Variants in FCRL4 observed in about 807,000 individuals in gnomAD.
FCRL4 encodes the protein Fc receptor-like protein 4.
A neutral mutation model predicts 64.1 loss-of-function variants in FCRL4; 43 were observed. The observed-to-expected ratio is 0.67, with a 90% CI of 0.53 to 0.87. FCRL4 has a LOEUF of 0.87. Among genes scored for constraint, FCRL4 ranks in the 40% least tolerant of loss-of-function variants. The pLI is 0.00. For missense variants in FCRL4, 656 were observed against 613.5 expected, an observed-to-expected ratio of 1.07 and a Z score of -0.73; for synonymous variants, 253 against 239.8, an observed-to-expected ratio of 1.05 and a Z score of -0.51.
Position 157,587,924 on chromosome 1 carries a change from A to G in FCRL4, c.503T>C (p.Ile168Thr). 6.2e-7 allele frequency: 1 copy of G among 1,611,394 alleles called. No homozygotes were observed. The highest frequency in any genetic ancestry group is 8.5e-7 in the Non-Finnish European group (1 of 1,177,988). Reference protein sequence around the residue: ...SSNNNGNYRCIGYGDENDVFR... With the variant: ...SSNNNGNYRCTGYGDENDVFR... ...TACATCATTCTCGTCTCCATATCCA[A>G]TGCATCGATAATTGCCATTGTTATT... The change falls in exon 4 of 12, where the codon ATT becomes ACT. Residue 168 changes from isoleucine (I) to threonine (T), a missense_variant. Transcript: ENST00000271532.
rs536127914 is a variant in FCRL4 at position 157,574,898 on chromosome 1, G to A, written c.*626C>T. The stretch of plus-strand genomic sequence containing the variant: ...ATAATTATCATTTGCTTTTGGAAGC[G>A]CAGCCTAGAGCTTGCATCTCCAGCT... On this transcript the variant is annotated 3_prime_UTR_variant, in exon 12 of 12. Coordinates refer to ENST00000271532, the MANE Select transcript of FCRL4 (RefSeq NM_031282.3). The A allele has an allele frequency of 4.3e-5, 9 of 211,394 alleles. No individual in the cohort carries two copies. Among genetic ancestry groups the A allele is most frequent in the South Asian group, 3.7e-4 (2 of 5,350 alleles). 13.1% of individuals were successfully genotyped at this position (211,394 alleles called of 1,614,324 possible).
chr1:157,598,011 A>G lies in FCRL4; in HGVS notation c.-67T>C. ...AAGCCAGGTCAGCCCAGATTGCCAA[A>G]GCAGCACTTGCCTACACCAGCACCA... On this transcript the variant is annotated 5_prime_UTR_variant, in exon 1 of 12. Transcript: ENST00000271532. The G allele has an allele frequency of 8.0e-7, 1 of 1,249,138 alleles. No homozygotes were observed. The highest frequency in any genetic ancestry group is 2.3e-5 in the East Asian group (1 of 42,816). 77.4% of individuals were successfully genotyped at this position (1,249,138 alleles called of 1,614,324 possible).
At chr1:157,593,154 G>A (rs535424281) in intron 2 of FCRL4, among the ~76,000 whole-genome samples, 1 of 152,260 alleles carries the variant, frequency 6.6e-6, no homozygotes, top group South Asian at 2.1e-4. Flanking sequence ...GTTGATGGGT[G>A]CAGCAAACCA....
intron 8 of FCRL4, 82 bp from the exon 9 acceptor site, chr1:157,578,934 G>A: frequency 8.7e-7 from 1 of 1,149,338 alleles, no homozygotes; most frequent in Non-Finnish European, 1.2e-6. Context: ...AGCGGCAGAG[G>A]AGAAAGAGGA....
chr1:157,579,448 GGCTCACAC>G (rs1652498450), intron 8 of FCRL4, among the ~76,000 whole-genome samples: 1 of 152,118 alleles, frequency 6.6e-6, no homozygotes, highest in African/African-American at 2.4e-5. Context: ...CTGGTGCAGT[GGCTCACAC>G]CTGTAATCCC....
intron 1 of FCRL4, 48 bp downstream of exon 1, chr1:157,597,866 G>C: frequency 6.4e-7 from 1 of 1,563,920 alleles, no homozygotes; most frequent in Non-Finnish European, 8.8e-7. Flanking sequence ...TTTGCTCATG[G>C]TGAGGCTCAG....
intron 2 of FCRL4, among the ~76,000 whole-genome samples, chr1:157,596,035 G>A (rs1280827339): frequency 6.6e-6 from 1 of 152,120 alleles, no homozygotes; most frequent in Non-Finnish European, 1.5e-5. Context: ...ATCAGGCTTG[G>A]CTAGAATCCC....
chr1:157,578,571 T>C (rs776996053), intron 9 of FCRL4, 29 bp from the exon 10 acceptor site: 3 of 1,590,136 alleles, frequency 1.9e-6, no homozygotes, highest in Non-Finnish European at 2.6e-6. Flanking sequence ...TTCAAGGCTG[T>C]TCCTGTTAGT....
At chr1:157,575,662 A>G (rs1157326169) in intron 11 of FCRL4, 37 bp downstream of exon 11, 3 of 1,612,252 alleles carry the variant, frequency 1.9e-6, no homozygotes, top group African/African-American at 2.7e-5. Context: ...GGCTGCAGGT[A>G]ATGGTGGAGA....
chr1:157,593,314 T>TAG (rs1406430512), intron 2 of FCRL4, among the ~76,000 whole-genome samples: 1 of 152,130 alleles, frequency 6.6e-6, no homozygotes, highest in African/African-American at 2.4e-5. Context: ...TACAAACATC[T>TAG]AGAGAGATAG....
chr1:157,580,423 A>G, intron 7 of FCRL4, 75 bp from the exon 8 acceptor site: 1 of 1,484,416 alleles, frequency 6.7e-7, no homozygotes, highest in Non-Finnish European at 9.4e-7. Context: ...AACAGGAGCT[A>G]TCTAAGAGAG....
chr1:157,594,754 T>C (rs1307063531), intron 2 of FCRL4, among the ~76,000 whole-genome samples: 2 of 152,220 alleles, frequency 1.3e-5, no homozygotes, highest in East Asian at 3.8e-4. Context: ...CAAATAGATC[T>C]TTTAGTTACA....
At chr1:157,590,797 G>A (rs768258914) in intron 2 of FCRL4, among the ~76,000 whole-genome samples, 1 of 152,128 alleles carries the variant, frequency 6.6e-6, no homozygotes, top group African/African-American at 2.4e-5. Flanking sequence ...AATTGCAGGC[G>A]TGAGCCACCA....
rs930653392 is a variant in FCRL4 at position 157,597,779 on chromosome 1, T to G, written c.31+135A>C. 4.9e-6 allele frequency: 3 copies of G among 615,864 alleles called. No homozygotes were observed. In the African/African-American group the frequency reaches 5.6e-5, roughly 11 times the overall value. The allele number at this position is 615,864 out of a possible 1,614,324, so 38.1% of individuals were successfully genotyped here. ...TTCCCCTTCTACCAGTAAATCATTA[T>G]CTTTCCTTTTTGTTCATTTTCTGCT... On this transcript the variant is annotated intron_variant, in intron 1 of 11. Transcript: ENST00000271532.
intron 4 of FCRL4, 88 bp from the exon 5 acceptor site, chr1:157,587,648 T>C: frequency 1.4e-6 from 2 of 1,413,556 alleles, no homozygotes; most frequent in Non-Finnish European, 1.9e-6. Context: ...CCCAGGAAAC[T>C]TCAGACACAC....
In FCRL4 at chr1:157,586,479, TG is replaced by T. The variant is rs1205999148; in HGVS notation, c.848-25del. On this transcript the variant is annotated intron_variant, in intron 5 of 11. Transcript: ENST00000271532. ...CCCTATGTGAAAATGAGACCACAGG[TG>T]GGGGTCGGGTGTGAAGGAGGGCAGG... is the stretch of plus-strand genomic sequence containing the variant. The T allele has an allele frequency of 3.8e-6, 6 of 1,584,948 alleles. No individual in the cohort carries two copies. The Admixed American group carries it at 1.0e-4, about 27-fold the overall frequency.
rs562374887 is a variant in FCRL4 at position 157,587,398 on chromosome 1, G to A, written c.725C>T (p.Thr242Met). 1.5e-5 allele frequency: 24 copies of A among 1,614,104 alleles called. No individual in the cohort carries two copies. Among genetic ancestry groups the A allele is most frequent in the Non-Finnish European group, 1.9e-5 (23 of 1,180,050 alleles). ...GGTTGGGAGCTGGAGTTCCGGGTACGTGCTCCAGTCTGACAGGATGACCTC... is the reference window on the plus strand; with the variant it reads ...GGTTGGGAGCTGGAGTTCCGGGTACATGCTCCAGTCTGACAGGATGACCTC... ...DGEVILSDWS[T>M]YPELQLPTVW... The change falls in exon 5 of 12, where the codon ACG becomes ATG. Residue 242 changes from threonine (T) to methionine (M), a missense_variant. By Grantham distance (81) the Thr-to-Met change is moderately conservative. Transcript: ENST00000271532.
At chr1:157,593,475 G>A (rs1652884098) in intron 2 of FCRL4, among the ~76,000 whole-genome samples, 1 of 152,180 alleles carries the variant, frequency 6.6e-6, no homozygotes, top group Non-Finnish European at 1.5e-5. Flanking sequence ...CAGTTACCAG[G>A]ATAAAGTTAA....
At chr1:157,596,376 A>G (rs763154302) in intron 1 of FCRL4, 28 bp from the exon 2 acceptor site, 7 of 1,613,834 alleles carry the variant, frequency 4.3e-6, no homozygotes, top group Admixed American at 1.7e-5. Context: ...GCCAGCCATC[A>G]GCGTAGGCGA....
Sources: allele counts gnomAD v4.1 joint callset (sites outside exome capture counted in the v4.1 genomes callset), GRCh38; gene constraint gnomAD v4.1.1; transcripts MANE v1.5; gene names NCBI Gene and HGNC (gene_info 2026-07-23, HGNC 2026-07-21).